The following EIF4E3 variants were observed in gnomAD, a reference collection of about 807,000 sequenced individuals.
EIF4E3 encodes the protein eukaryotic translation initiation factor 4E type 3.
In EIF4E3, 26 loss-of-function variants were observed where a neutral mutation model predicts 31.7. That is an observed-to-expected ratio of 0.82 (90% CI 0.60 to 1.14). The LOEUF (loss-of-function observed/expected upper bound fraction) is 1.14. EIF4E3 is among the 50% of genes most tolerant of loss of function. The probability of loss-of-function intolerance (pLI) is 0.00; values close to 1 mark genes in which losing one functional copy is unlikely to be tolerated. For missense variants in EIF4E3, 304 were observed against 270.9 expected (o/e 1.12, Z -0.86); for synonymous variants, 128 against 107.7 (o/e 1.19, Z -1.17).
intron 1 of EIF4E3, among the ~76,000 whole-genome samples, chr3:71,735,724 G>A (rs2049755920): frequency 6.6e-6 from 1 of 151,960 alleles, no homozygotes. Flanking sequence ...TTAAGAGGCA[G>A]CCTGAAGTTC....
At chr3:71,696,667 A>G in intron 3 of EIF4E3, 147 bp from the exon 4 acceptor site, 1 of 867,752 alleles carries the variant, frequency 1.2e-6, no homozygotes, top group Non-Finnish European at 1.7e-6. Flanking sequence ...TTTGTTTTTT[A>G]TTTTTTATTA....
chr3:71,675,140 C>G (rs2048866264), downstream of EIF4E3, among the ~76,000 whole-genome samples: 2 of 152,198 alleles, frequency 1.3e-5, no homozygotes, highest in Non-Finnish European at 1.5e-5. Flanking sequence ...CTCTGCTCTT[C>G]TCCTTTCCAA....
At chr3:71,696,336 T>A in intron 4 of EIF4E3, 124 bp downstream of exon 4, 1 of 957,120 alleles carries the variant, frequency 1.0e-6, no homozygotes, top group South Asian at 1.6e-5. Flanking sequence ...ACAGAATTTC[T>A]CACCCCCAGC....
At chr3:71,729,686 T>A (rs1477187946), upstream of EIF4E3, among the ~76,000 whole-genome samples, 3 of 152,138 alleles carry the variant, frequency 2.0e-5, no homozygotes, top group Non-Finnish European at 4.4e-5. Context: ...CCACACTCAA[T>A]AAATATTTGT....
intron 5 of EIF4E3, among the ~76,000 whole-genome samples, chr3:71,691,671 C>T (rs917462683): frequency 5.9e-5 from 9 of 152,174 alleles, no homozygotes; most frequent in African/African-American, 2.2e-4. Flanking sequence ...AAACTGTACA[C>T]ATACGACGTG....
rs2048877417 is a variant in EIF4E3, at chr3:71,676,738, T to C, written c.*7944A>G. ...TGTTAAAATGTGGATTCCAAGATGTTTGTTTTCAAAAAAAAAAAAAAATTC... is the reference window on the plus strand; with the variant it reads ...TGTTAAAATGTGGATTCCAAGATGTCTGTTTTCAAAAAAAAAAAAAAATTC... On this transcript the variant is annotated 3_prime_UTR_variant, in exon 7 of 7. Transcript: ENST00000425534. 1 of 152,042 alleles carries C rather than the reference T, an allele frequency of 6.6e-6. No individual in the cohort carries two copies. The allele number at this position is 152,042 out of a possible 1,614,324, so 9.4% of individuals were successfully genotyped here. A position where few individuals can be genotyped will look rare whatever the true frequency, so the allele number is the denominator to read the frequency against.
At chr3:71,697,067 G>A (rs891733868) in intron 3 of EIF4E3, among the ~76,000 whole-genome samples, 1 of 152,008 alleles carries the variant, frequency 6.6e-6, no homozygotes, top group Non-Finnish European at 1.5e-5. Context: ...CCAGGCTGGA[G>A]TGCAGTGGCA....
intron 1 of EIF4E3, among the ~76,000 whole-genome samples, chr3:71,734,954 TAA>T (rs1483348335): frequency 6.6e-6 from 1 of 152,174 alleles, no homozygotes; most frequent in East Asian, 1.9e-4. Flanking sequence ...CATCCCATGT[TAA>T]AAAGAAAACT....
chr3:71,701,045 A>G (rs547120981), intron 2 of EIF4E3, among the ~76,000 whole-genome samples: 1 of 152,284 alleles, frequency 6.6e-6, no homozygotes, highest in South Asian at 2.1e-4. Context: ...GAGGGCCCTC[A>G]CCTGGATGTG....
downstream of EIF4E3, among the ~76,000 whole-genome samples, chr3:71,672,706 C>T (rs1315647045): frequency 6.6e-6 from 1 of 152,166 alleles, no homozygotes; most frequent in Non-Finnish European, 1.5e-5. Context: ...TCCAGGTCAG[C>T]GGGCGAAACA....
chr3:71,690,608 T>C (rs546434254), intron 5 of EIF4E3, among the ~76,000 whole-genome samples: 39 of 152,334 alleles, frequency 2.6e-4, no homozygotes, highest in African/African-American at 8.7e-4. Flanking sequence ...CCTGACTTCC[T>C]GCCAAGCTTT....
At chr3:71,736,149 C>G (rs767151693) in intron 1 of EIF4E3, among the ~76,000 whole-genome samples, 3 of 152,176 alleles carry the variant, frequency 2.0e-5, no homozygotes, top group Non-Finnish European at 2.9e-5. Context: ...ACGTTGGTAA[C>G]ACCAAATGCT....
At chr3:71,723,516 T>C (rs927624959) in intron 1 of EIF4E3, among the ~76,000 whole-genome samples, 2 of 152,232 alleles carry the variant, frequency 1.3e-5, no homozygotes, top group Non-Finnish European at 2.9e-5. Context: ...GTTACTATAA[T>C]CTTAAGCTAC....
chr3:71,687,354 T>C (rs2049006262), intron 6 of EIF4E3, among the ~76,000 whole-genome samples: 1 of 152,240 alleles, frequency 6.6e-6, no homozygotes, highest in South Asian at 2.1e-4. Context: ...CTATAGGTAA[T>C]ACGGAAACAA....
At chr3:71,699,742 AC>A (rs748391024) in intron 2 of EIF4E3, 34 bp from the exon 3 acceptor site, 3 of 1,535,628 alleles carry the variant, frequency 2.0e-6, no homozygotes, top group Admixed American at 1.7e-5. Context: ...TGTTTAATAT[AC>A]CCAGTATTGA....
At chr3:71,671,975 T>C (rs1415009881), downstream of EIF4E3, among the ~76,000 whole-genome samples, 3 of 152,130 alleles carry the variant, frequency 2.0e-5, no homozygotes, top group Non-Finnish European at 4.4e-5. Flanking sequence ...ATGACAAAGC[T>C]GCTAAGAGGG....
upstream of EIF4E3, chr3:71,753,647 C>CGCGGCGGCG (rs981511310): frequency 2.7e-3 from 401 of 147,546 alleles, 1 homozygote; most frequent in Non-Finnish European, 3.6e-3. Flanking sequence ...GAGGGGGCTC[C>CGCGGCGGCG]GCGGCGGCGG....
rs2048870130 is a variant in EIF4E3, at chr3:71,675,693, T to C, written c.*8989A>G. 6.6e-6 allele frequency: 1 copy of C among 152,218 alleles called. No individual in the cohort carries two copies. Among genetic ancestry groups the C allele is most frequent in the Non-Finnish European group, 1.5e-5 (1 of 68,034 alleles). The allele number at this position is 152,218 out of a possible 1,614,324, so 9.4% of individuals were successfully genotyped here. On this transcript the variant is annotated 3_prime_UTR_variant, in exon 7 of 7. Transcript: ENST00000425534. ...TTATACTTTCTGGGTCATTTCTTCA[T>C]CTGTAAAATGAAAAGTTTGAACTAG...
upstream of EIF4E3, among the ~76,000 whole-genome samples, chr3:71,729,702 A>G (rs2049681894): frequency 6.6e-6 from 1 of 152,140 alleles, no homozygotes; most frequent in Non-Finnish European, 1.5e-5. Flanking sequence ...TTTGTTGCAT[A>G]TCTGCTATGC....
Sources: gnomAD v4.1 joint callset for allele counts (sites outside exome capture counted in the v4.1 genomes callset) on GRCh38, gnomAD v4.1.1 for gene constraint, MANE v1.5 for transcripts, NCBI Gene and HGNC (gene_info 2026-07-23, HGNC 2026-07-21) for gene names.